JAK2: variants seen among roughly 807,000 people sequenced by gnomAD.
JAK2 encodes tyrosine-protein kinase JAK2.
A neutral mutation model predicts 139.3 loss-of-function variants in JAK2; 86 were observed. That is an observed-to-expected ratio of 0.62 (90% confidence interval 0.52 to 0.74). The LOEUF is 0.74. Among genes scored for constraint, JAK2 ranks in the 30% least tolerant of loss-of-function variants. JAK2 has a pLI of 0.00. For missense variants in JAK2, 1,421 were observed against 1,360.3 expected, an observed-to-expected ratio of 1.04 and a Z score of -0.70; for synonymous variants, 490 against 437.7, an observed-to-expected ratio of 1.12 and a Z score of -1.49.
At chr9:5,091,728 G>A (rs902235367) in intron 22 of JAK2, 13 of 152,194 alleles carry the variant, frequency 8.5e-5, no homozygotes, top group African/African-American at 3.1e-4. Flanking sequence ...TAGTAGAAGT[G>A]AAGCTAGATT....
At chr9:4,992,676 A>G (rs1820327151) in intron 2 of JAK2, among the ~76,000 whole-genome samples, 1 of 152,160 alleles carries the variant, frequency 6.6e-6, no homozygotes, top group African/African-American at 2.4e-5. Flanking sequence ...TTTCTTGGGT[A>G]TGGTTAATTG....
chr9:5,125,292 T>C (rs1057104844), intron 23 of JAK2, among the ~76,000 whole-genome samples: 86 of 151,272 alleles, frequency 5.7e-4, no homozygotes, highest in Non-Finnish European at 4.9e-4. Context: ...AAGGTCATAC[T>C]GTGCAGTTTG....
At chr9:5,089,906 T>A (rs1441510055) in intron 20 of JAK2, 43 bp downstream of exon 20, 12 of 1,317,802 alleles carry the variant, frequency 9.1e-6, no homozygotes, top group Non-Finnish European at 1.2e-5. Context: ...AAGGTATGTG[T>A]TTGGCATCCT....
At chr9:5,114,736 G>A in intron 22 of JAK2, 1 of 362,616 alleles carries the variant, frequency 2.8e-6, no homozygotes, top group Admixed American at 3.5e-5. Context: ...GAGTTCATCT[G>A]CTCTGTGGTC....
intron 5 of JAK2, 31 bp downstream of exon 5, chr9:5,044,551 G>T: frequency 7.8e-7 from 1 of 1,274,430 alleles, no homozygotes. Context: ...TTGTACATGA[G>T]TTAAATGATA....
At position 5,001,141 on chromosome 9, in the gene JAK2, G is replaced by C. The variant is rs73639255; in HGVS notation, c.-26+15119G>C. On this transcript the variant is annotated intron_variant, in intron 2 of 24. Coordinates refer to ENST00000381652, the MANE Select transcript of JAK2 (RefSeq NM_004972.4). ...ATTTTTGATAAATACAATCATGTCTGCAAATAAAAAGTTTTATTTCTTTCA... is the reference window on the plus strand; with the variant it reads ...ATTTTTGATAAATACAATCATGTCTCCAAATAAAAAGTTTTATTTCTTTCA... Among the ~76,000 whole-genome samples the C allele has an allele frequency of 3.6e-3, 544 of 152,132 alleles. 4 individuals are homozygous for C. The highest frequency in any genetic ancestry group is 0.013 in the African/African-American group (533 of 41,514).
Position 5,129,291 on chromosome 9 carries a change from A to G in JAK2, c.*2500A>G, listed in dbSNP as rs1036479371. 3.3e-5 allele frequency among the ~76,000 whole-genome samples: 5 copies of G among 152,084 alleles called. No homozygotes were observed. The highest frequency in any genetic ancestry group is 1.2e-4 in the African/African-American group (5 of 41,432). ...AATAGTGATGTAGTAAATATTCAGAAGCGATTTTCTTTTGCATTTTTACCT... is the reference window on the plus strand; with the variant it reads ...AATAGTGATGTAGTAAATATTCAGAGGCGATTTTCTTTTGCATTTTTACCT... On this transcript the variant is annotated 3_prime_UTR_variant, in exon 25 of 25. Coordinates refer to ENST00000381652, the MANE Select transcript of JAK2 (RefSeq NM_004972.4).
intron 4 of JAK2, among the ~76,000 whole-genome samples, chr9:5,035,582 T>C (rs1353121883): frequency 1.3e-5 from 2 of 152,116 alleles, no homozygotes; most frequent in Non-Finnish European, 2.9e-5. Context: ...GTTCAACATA[T>C]GCAAATCAAT....
At chr9:5,116,588 T>C (rs970669801) in intron 22 of JAK2, among the ~76,000 whole-genome samples, 1 of 152,184 alleles carries the variant, frequency 6.6e-6, no homozygotes, top group East Asian at 1.9e-4. Context: ...TCAAAAAATA[T>C]TAGTTATATG....
At chr9:5,025,165 G>T (rs112979389) in intron 3 of JAK2, among the ~76,000 whole-genome samples, 1 of 152,072 alleles carries the variant, frequency 6.6e-6, no homozygotes, top group Non-Finnish European at 1.5e-5. Context: ...TCTGGGAGAA[G>T]GATAGGTCCT....
chr9:5,094,061 A>T (rs1031886846), intron 22 of JAK2: 1 of 152,150 alleles, frequency 6.6e-6, no homozygotes, highest in African/African-American at 2.4e-5. Context: ...TAAAACGTAA[A>T]ACTTTACAAT....
intron 3 of JAK2, among the ~76,000 whole-genome samples, chr9:5,027,201 C>G (rs1822836096): frequency 6.6e-6 from 1 of 152,180 alleles, no homozygotes; most frequent in Non-Finnish European, 1.5e-5. Context: ...TTTTAAAATA[C>G]TGACACACCT....
At chr9:5,118,995 C>A (rs1011857376) in intron 22 of JAK2, among the ~76,000 whole-genome samples, 14 of 152,080 alleles carry the variant, frequency 9.2e-5, no homozygotes, top group African/African-American at 3.4e-4. Flanking sequence ...CGTGGATGTA[C>A]CTTGTTTAAA....
chr9:5,114,023 C>T (rs1012379678), intron 22 of JAK2: 5 of 310,724 alleles, frequency 1.6e-5, no homozygotes, highest in East Asian at 8.5e-5. Context: ...ACTGGTCCAT[C>T]GCCTCTCCCA....
intron 2 of JAK2, among the ~76,000 whole-genome samples, chr9:4,997,633 A>G (rs530470211): frequency 6.6e-6 from 1 of 152,356 alleles, no homozygotes; most frequent in South Asian, 2.1e-4. Flanking sequence ...AAAGGGGACA[A>G]CATCCAAACT....
chr9:4,986,864 T>C (rs1819974586), intron 2 of JAK2, among the ~76,000 whole-genome samples: 1 of 152,198 alleles, frequency 6.6e-6, no homozygotes, highest in African/African-American at 2.4e-5. Flanking sequence ...TAAGTACCTA[T>C]GCGGGGAATT....
intron 16 of JAK2, 80 bp downstream of exon 16, chr9:5,078,524 T>G (rs1209615389): frequency 2.0e-6 from 2 of 1,017,674 alleles, no homozygotes; most frequent in East Asian, 2.5e-5. Flanking sequence ...TTAATTTTCC[T>G]TGAATTCCAT....
At chr9:5,089,979 C>T (rs1477766321) in intron 20 of JAK2, 116 bp downstream of exon 20, 7 of 560,878 alleles carry the variant, frequency 1.2e-5, no homozygotes, top group African/African-American at 7.8e-5. Context: ...GAGGGAGAGG[C>T]ATTCTATAAT....
chr9:4,997,056 GT>G (rs1444168860), intron 2 of JAK2, among the ~76,000 whole-genome samples: 2 of 150,630 alleles, frequency 1.3e-5, no homozygotes, highest in African/African-American at 4.9e-5. Context: ...AGCCTCCTGA[GT>G]AGCTGGCACT....
Sources: allele counts gnomAD v4.1 joint callset (sites outside exome capture counted in the v4.1 genomes callset), GRCh38; gene constraint gnomAD v4.1.1; transcripts MANE v1.5; gene names NCBI Gene and HGNC (gene_info 2026-07-23, HGNC 2026-07-21).